The following MYT1L variants were observed in gnomAD, a reference collection of about 807,000 sequenced individuals.
MYT1L encodes the protein myelin transcription factor 1 like.
A neutral mutation model predicts 126.7 loss-of-function variants in MYT1L; 12 were observed. That is an observed-to-expected ratio of 0.09 (90% CI 0.06 to 0.15). The LOEUF (loss-of-function observed/expected upper bound fraction) is 0.15. Among genes scored for constraint, MYT1L ranks in the 10% least tolerant of loss-of-function variants. The pLI is 1.00. For missense variants in MYT1L, 979 were observed against 1,585.2 expected (o/e 0.62, Z 6.49); for synonymous variants, 541 against 604.2 (o/e 0.90, Z 1.53).
intron 9 of MYT1L, among the ~76,000 whole-genome samples, chr2:1,940,824 C>T (rs575162802): frequency 8.5e-5 from 13 of 152,236 alleles, no homozygotes; most frequent in East Asian, 1.9e-4. Context: ...TCCTGTCTTC[C>T]GTGCTCTGGA....
Position 2,054,068 on chromosome 2 carries a change from C to T in MYT1L, c.-248G>A, listed in dbSNP as rs1273371712. On this transcript the variant is annotated 5_prime_UTR_variant, in exon 4 of 25. Coordinates refer to ENST00000647738, the MANE Select transcript of MYT1L (RefSeq NM_001303052.2). ...TTGTTGATAGCTTGAAAGATGCAAACACTTGATTGAATTCAATAACTACAT... is the reference window on the plus strand; with the variant it reads ...TTGTTGATAGCTTGAAAGATGCAAATACTTGATTGAATTCAATAACTACAT... The T allele has an allele frequency of 1.3e-5, 2 of 152,670 alleles. No homozygotes were observed. 9.5% of individuals were successfully genotyped at this position (152,670 alleles called of 1,614,324 possible).
intron 2 of MYT1L, among the ~76,000 whole-genome samples, chr2:2,194,189 C>T (rs554145870): frequency 3.9e-5 from 6 of 152,090 alleles, no homozygotes; most frequent in African/African-American, 1.4e-4. Context: ...AAGTGATCTT[C>T]CCACCTTAGC....
At chr2:1,826,689 G>A (rs532305335) in intron 21 of MYT1L, among the ~76,000 whole-genome samples, 94 of 152,298 alleles carry the variant, frequency 6.2e-4, no homozygotes, top group Non-Finnish European at 1.2e-3. Context: ...CAGGGCCGGC[G>A]TCGGGGAAAG....
At chr2:1,987,307 T>G (rs1486487869) in intron 5 of MYT1L, among the ~76,000 whole-genome samples, 1 of 151,924 alleles carries the variant, frequency 6.6e-6, no homozygotes, top group Non-Finnish European at 1.5e-5. Flanking sequence ...AACCTTGATT[T>G]CTGTTTTTTT....
At chr2:2,053,308 C>T (rs1022171381) in intron 4 of MYT1L, among the ~76,000 whole-genome samples, 9 of 151,992 alleles carry the variant, frequency 5.9e-5, no homozygotes, top group African/African-American at 1.9e-4. Context: ...AGTTAGGGAA[C>T]GAAAAAGTTC....
At chr2:2,050,815 T>C (rs1023822113) in intron 4 of MYT1L, among the ~76,000 whole-genome samples, 5 of 152,096 alleles carry the variant, frequency 3.3e-5, no homozygotes, top group Non-Finnish European at 5.9e-5. Context: ...GCTAAGGGCC[T>C]TTCCATCTGA....
chr2:2,005,834 T>A (rs1216883792), intron 4 of MYT1L, among the ~76,000 whole-genome samples: 2 of 151,202 alleles, frequency 1.3e-5, no homozygotes, highest in Non-Finnish European at 2.9e-5. Context: ...CCTGCATGCC[T>A]TCTTTCCTGC....
chr2:1,910,352 A>C lies in MYT1L; in HGVS notation c.1710-5T>G. 6.2e-7 allele frequency: 1 copy of C among 1,610,066 alleles called. No individual in the cohort carries two copies. Among genetic ancestry groups the C allele is most frequent in the Non-Finnish European group, 8.5e-7 (1 of 1,179,706 alleles). ...GCGATCGGGCATCCGGAGAGGCTGC[A>C]ATCACAGAAAGCGGGTTGAATGGTC... On this transcript the variant is annotated splice_region_variant and splice_polypyrimidine_tract_variant and intron_variant, in intron 12 of 24. Coordinates refer to ENST00000647738, the MANE Select transcript of MYT1L (RefSeq NM_001303052.2). This position sits in a 1 kb window ranked among gnomAD's most constrained non-coding sequence, Gnocchi z 4.8.
At chr2:1,828,149 C>T (rs2039624334) in intron 21 of MYT1L, 2 of 152,194 alleles carry the variant, frequency 1.3e-5, no homozygotes, top group South Asian at 4.2e-4. Context: ...GAATGTTTAC[C>T]TGTGTTGTGT....
chr2:2,114,106 T>C (rs941318737), intron 3 of MYT1L, among the ~76,000 whole-genome samples: 32 of 152,370 alleles, frequency 2.1e-4, no homozygotes, highest in African/African-American at 7.7e-4. Flanking sequence ...AGGTTTTATG[T>C]GTCAGATCCC....
chr2:2,242,523 C>T (rs565911821), intron 2 of MYT1L, among the ~76,000 whole-genome samples: 24 of 152,290 alleles, frequency 1.6e-4, no homozygotes, highest in Middle Eastern at 3.4e-3. Context: ...ACATAAGAGA[C>T]GCTCTATCAA....
intron 4 of MYT1L, among the ~76,000 whole-genome samples, chr2:2,020,715 A>T (rs766511869): frequency 1.2e-4 from 18 of 152,070 alleles, no homozygotes; most frequent in Non-Finnish European, 2.5e-4. Flanking sequence ...ATCTACTTAC[A>T]TTCATCAGTC....
At chr2:1,988,166 C>T (rs2061194232) in intron 5 of MYT1L, among the ~76,000 whole-genome samples, 1 of 152,008 alleles carries the variant, frequency 6.6e-6, no homozygotes, top group Admixed American at 6.6e-5. Flanking sequence ...TTCCCACCCT[C>T]CCGCCAGCCC....
chr2:1,979,376 C>T lies in MYT1L; in HGVS notation c.89+145G>A, dbSNP rs531936319. The T allele has an allele frequency of 3.6e-4, 398 of 1,110,114 alleles. 5 individuals are homozygous for T. In the Middle Eastern group the frequency reaches 0.011, roughly 31 times the overall value. 68.8% of individuals were successfully genotyped at this position (1,110,114 alleles called of 1,614,324 possible). On this transcript the variant is annotated intron_variant, in intron 7 of 24. Transcript: ENST00000647738. This position sits in a 1 kb window ranked among gnomAD's most constrained non-coding sequence, Gnocchi z 4.0. The stretch of plus-strand genomic sequence containing the variant: ...GGGGGAAATTCGGGGAGGCTTTTTA[C>T]GAGCAAGTCTCGGGGGAATTAATTT...
intron 4 of MYT1L, among the ~76,000 whole-genome samples, chr2:2,033,750 G>T (rs1445579640): frequency 6.6e-6 from 1 of 152,104 alleles, no homozygotes; most frequent in East Asian, 1.9e-4. Flanking sequence ...CAGCTGTTTT[G>T]TCCCCATTCA....
At position 2,146,977 on chromosome 2, in the gene MYT1L, T is replaced by G. The variant is rs372162489; in HGVS notation, c.-304+25895A>C. The stretch of plus-strand genomic sequence containing the variant: ...GAGTATTTGTTACTCTCATCTGAGA[T>G]CATCTCTTAGCTTAGGAGTTGCCTC... On this transcript the variant is annotated intron_variant, in intron 3 of 24. Coordinates refer to ENST00000647738, the MANE Select transcript of MYT1L (RefSeq NM_001303052.2). Among the ~76,000 whole-genome samples, 11 of 152,300 alleles carry G rather than the reference T, an allele frequency of 7.2e-5. No individual in the cohort carries two copies. In the East Asian group the frequency reaches 1.9e-3, roughly 27 times the overall value.
Position 1,922,493 on chromosome 2 carries a change from T to G in MYT1L, c.1276A>C (p.Met426Leu), listed in dbSNP as rs910352993. Residue 426 changes from methionine (M) to leucine (L), a missense_variant, in exon 10 of 25, where the codon ATG becomes CTG. Around this residue, in one of 12 missense-constraint regions of MYT1L, gnomAD observed 243 missense variants for 363.9 expected, o/e 0.67. Coordinates refer to ENST00000647738, the MANE Select transcript of MYT1L (RefSeq NM_001303052.2). This position sits in a 1 kb window ranked among gnomAD's most constrained non-coding sequence, Gnocchi z 7.4. ...NSDRSEEVFD[M>L]TKGNLTLLEK... is the part of the protein sequence containing the mutation. ...AGCAGGGTCAGGTTCCCCTTGGTCA[T>G]GTCGAACACCTCTTCAGACCTGTCC... 6.2e-7 allele frequency: 1 copy of G among 1,613,982 alleles called. No homozygotes were observed. The highest frequency in any genetic ancestry group is 8.5e-7 in the Non-Finnish European group (1 of 1,179,890).
intron 8 of MYT1L, among the ~76,000 whole-genome samples, chr2:1,966,739 G>A (rs1215429677): frequency 6.6e-6 from 1 of 151,386 alleles, no homozygotes; most frequent in Non-Finnish European, 1.5e-5. Context: ...ACATTTAATG[G>A]GTATTTGGAA....
chr2:1,806,156 A>G lies in MYT1L; in HGVS notation c.3172+2920T>C, dbSNP rs1399892228. Among the ~76,000 whole-genome samples the G allele has an allele frequency of 4.6e-5, 7 of 152,120 alleles. No individual in the cohort carries two copies. The highest frequency in any genetic ancestry group is 1.9e-4 in the East Asian group (1 of 5,172). On this transcript the variant is annotated intron_variant, in intron 22 of 24. Coordinates refer to ENST00000647738, the MANE Select transcript of MYT1L (RefSeq NM_001303052.2). This position sits in a 1 kb window ranked among gnomAD's most constrained non-coding sequence, Gnocchi z 4.9. ...CATGGAAATGATGCCTGGGCACACAACTGTGCTCTGGGGGTAAGAAAGAAC... is the reference window on the plus strand; with the variant it reads ...CATGGAAATGATGCCTGGGCACACAGCTGTGCTCTGGGGGTAAGAAAGAAC...
Sources: gnomAD v4.1 joint callset for allele counts (sites outside exome capture counted in the v4.1 genomes callset) on GRCh38, gnomAD v4.1.1 for gene constraint, gnomAD v4.1.1 regional missense constraint, Gnocchi (gnomAD v3.1) non-coding constraint, MANE v1.5 for transcripts, NCBI Gene and HGNC (gene_info 2026-07-23, HGNC 2026-07-21) for gene names.